MREG: variants seen among roughly 807,000 people sequenced by gnomAD.
MREG encodes the protein melanoregulin.
Under a neutral mutation model 28.5 loss-of-function variants are expected in MREG, and 31 were observed. The ratio of observed to expected loss-of-function variants is 1.09; its 90% CI spans 0.82 to 1.47. The LOEUF is 1.47. Ranked by LOEUF, MREG falls within the 40% of genes most tolerant of loss-of-function variation. MREG has a pLI of 0.00. For missense variants in MREG, 256 were observed against 257.4 expected, an observed-to-expected ratio of 0.99 and a Z score of 0.04; for synonymous variants, 106 against 95.2, an observed-to-expected ratio of 1.11 and a Z score of -0.66.
chr2:216,031,493 G>GAA (rs1553558728), intron 1 of MREG, among the ~76,000 whole-genome samples: 1 of 124,802 alleles, frequency 8.0e-6, no homozygotes, highest in Non-Finnish European at 1.7e-5. Flanking sequence ...AAGAAAGAAA[G>GAA]AGAAAGAAAG....
Position 216,007,774 on chromosome 2 carries a change from C to T in MREG, c.95+5459G>A, listed in dbSNP as rs75449749. 7.1e-4 allele frequency among the ~76,000 whole-genome samples: 107 copies of T among 151,252 alleles called. 1 individual carries two copies. In the East Asian group the frequency reaches 0.018, roughly 26 times the overall value. On this transcript the variant is annotated intron_variant, in intron 1 of 4. Coordinates refer to ENST00000263268, the MANE Select transcript of MREG (RefSeq NM_018000.3). ...TTTGCATTTTTGTACTTTTAGCTGG[C>T]AATTTCACTGTTTAGAATATCTCCC...
intron 2 of MREG, among the ~76,000 whole-genome samples, chr2:215,993,534 C>G (rs112326173): frequency 2.0e-5 from 3 of 152,072 alleles, no homozygotes; most frequent in Admixed American, 6.5e-5. Context: ...GAATAAAACA[C>G]CAAAAACAAT....
At chr2:215,979,007 T>A (rs541298174) in intron 2 of MREG, among the ~76,000 whole-genome samples, 1 of 152,324 alleles carries the variant, frequency 6.6e-6, no homozygotes, top group South Asian at 2.1e-4. Flanking sequence ...CGGGTAGAAT[T>A]TGAGCTTCTG....
At chr2:215,966,601 CTTTTT>C (rs1052642780) in intron 2 of MREG, among the ~76,000 whole-genome samples, 1 of 136,668 alleles carries the variant, frequency 7.3e-6, no homozygotes, top group Non-Finnish European at 1.6e-5. Context: ...AACATTTTCC[CTTTTT>C]TTTTTTTTTT....
intron 2 of MREG, among the ~76,000 whole-genome samples, chr2:215,990,312 A>G (rs1204434736): frequency 6.6e-6 from 1 of 152,220 alleles, no homozygotes; most frequent in East Asian, 1.9e-4. Flanking sequence ...CATAAGTGAA[A>G]GAGAAATACA....
intron 1 of MREG, among the ~76,000 whole-genome samples, chr2:216,029,506 C>A (rs1307237252): frequency 6.6e-6 from 1 of 152,116 alleles, no homozygotes; most frequent in African/African-American, 2.4e-5. Context: ...TGAGTTAGGA[C>A]GACAAAGGCA....
intron 1 of MREG, among the ~76,000 whole-genome samples, chr2:216,031,713 G>A (rs1359217379): frequency 6.7e-6 from 1 of 150,104 alleles, no homozygotes; most frequent in Admixed American, 6.6e-5. Flanking sequence ...AAGAAAGAAA[G>A]GGAAATGAAA....
chr2:215,967,676 A>G (rs1692979969), intron 2 of MREG, among the ~76,000 whole-genome samples: 1 of 152,220 alleles, frequency 6.6e-6, no homozygotes, highest in Non-Finnish European at 1.5e-5. Flanking sequence ...AGTAGAGGCC[A>G]GCAAACTTTT....
At chr2:215,982,473 T>C (rs1309876819) in intron 2 of MREG, among the ~76,000 whole-genome samples, 1 of 152,230 alleles carries the variant, frequency 6.6e-6, no homozygotes, top group Non-Finnish European at 1.5e-5. Context: ...CAGAACATCT[T>C]CTGGTATAAT....
chr2:215,963,501 T>C (rs924318032), intron 2 of MREG, among the ~76,000 whole-genome samples: 1 of 152,122 alleles, frequency 6.6e-6, no homozygotes, highest in African/African-American at 2.4e-5. Flanking sequence ...AAATGATAAT[T>C]TTGTTATATA....
In MREG at chr2:215,942,610, A is replaced by G. The variant is rs944538375; in HGVS notation, c.*2253T>C. Among the ~76,000 whole-genome samples, 2 of 152,228 alleles carry G rather than the reference A, an allele frequency of 1.3e-5. No individual in the cohort carries two copies. Among genetic ancestry groups the G allele is most frequent in the East Asian group, 3.8e-4 (2 of 5,200 alleles). The stretch of plus-strand genomic sequence containing the variant: ...GAAAAGTAAATACAGGAGTCTTTTA[A>G]TTCCTTGTAAGGAAAATTTCCTGGA... On this transcript the variant is annotated 3_prime_UTR_variant, in exon 5 of 5. Transcript: ENST00000263268.
intron 2 of MREG, among the ~76,000 whole-genome samples, chr2:215,974,459 G>A (rs1446098121): frequency 6.6e-6 from 1 of 152,090 alleles, no homozygotes; most frequent in African/African-American, 2.4e-5. Flanking sequence ...CCCCACCTGA[G>A]CCCAAGCATG....
At chr2:216,030,927 T>TTCTC (rs113417580) in intron 1 of MREG, among the ~76,000 whole-genome samples, 43 of 130,938 alleles carry the variant, frequency 3.3e-4, no homozygotes, top group African/African-American at 7.8e-4. Flanking sequence ...ATGAGGCCCA[T>TTCTC]TCTCTCTCTC....
At chr2:215,975,008 T>TGATATATATATATATATATA (rs1553550371) in intron 2 of MREG, among the ~76,000 whole-genome samples, 1 of 106,608 alleles carries the variant, frequency 9.4e-6, no homozygotes, top group Non-Finnish European at 1.9e-5. Flanking sequence ...TTTATATGAA[T>TGATATATATATATATATATA]TATATATATA....
At chr2:216,009,874 A>T (rs183976199) in intron 1 of MREG, among the ~76,000 whole-genome samples, 5 of 152,244 alleles carry the variant, frequency 3.3e-5, no homozygotes, top group Admixed American at 3.3e-4. Context: ...TGCTCTTATC[A>T]CTGATGGAAG....
At chr2:216,004,564 CAAAA>C in intron 1 of MREG, among the ~76,000 whole-genome samples, 1 of 146,240 alleles carries the variant, frequency 6.8e-6, no homozygotes, top group Non-Finnish European at 1.5e-5. Context: ...AAAAAACAAA[CAAAA>C]AAAAAAAACC....
intron 2 of MREG, among the ~76,000 whole-genome samples, chr2:215,960,671 T>TA (rs1489787807): frequency 1.3e-5 from 2 of 151,736 alleles, no homozygotes; most frequent in African/African-American, 4.8e-5. Context: ...CCGTCTCTAC[T>TA]AAAAATACAA....
At chr2:215,963,456 C>CAAAAAAAAAAAAAAAAAAAAAAAAAAAA (rs1553548655) in intron 2 of MREG, among the ~76,000 whole-genome samples, 2 of 38,648 alleles carry the variant, frequency 5.2e-5, no homozygotes, top group African/African-American at 5.6e-5. Flanking sequence ...AAAAAAAAAA[C>CAAAAAAAAAAAAAAAAAAAAAAAAAAAA]AAAAAAACAG....
chr2:216,015,389 T>C (rs961962890), upstream of MREG, among the ~76,000 whole-genome samples: 2 of 151,960 alleles, frequency 1.3e-5, no homozygotes, highest in African/African-American at 4.8e-5. Flanking sequence ...GAATGAACTA[T>C]AGGGTACCTG....
Sources: allele counts gnomAD v4.1 joint callset (sites outside exome capture counted in the v4.1 genomes callset), GRCh38; gene constraint gnomAD v4.1.1; transcripts MANE v1.5; gene names NCBI Gene and HGNC (gene_info 2026-07-23, HGNC 2026-07-21).